The following SUGP2 variants were observed in gnomAD, a reference collection of about 807,000 sequenced individuals.
SUGP2 encodes the protein SURP and G-patch domain containing 2.
Under a neutral mutation model 90.5 loss-of-function variants are expected in SUGP2, and 24 were observed. The observed-to-expected ratio is 0.27, with a 90% confidence interval of 0.19 to 0.37. The LOEUF is 0.37. Among genes scored for constraint, SUGP2 ranks in the 10% least tolerant of loss-of-function variants. The pLI, the probability that SUGP2 is intolerant of heterozygous loss-of-function variation, is 1.00. For missense variants in SUGP2, 1,233 were observed against 1,363.3 expected, an observed-to-expected ratio of 0.90 and a Z score of 1.51; for synonymous variants, 473 against 513.4, an observed-to-expected ratio of 0.92 and a Z score of 1.06.
In SUGP2 at chr19:19,026,242, C is replaced by CAA. The variant is rs745687846; in HGVS notation, c.122-18_122-17dup. 1.3e-4 allele frequency: 154 copies of CAA among 1,173,172 alleles called. No individual in the cohort carries two copies. Among genetic ancestry groups the CAA allele is most frequent in the African/African-American group, 1.2e-3 (73 of 62,252 alleles). The allele number at this position is 1,173,172 out of a possible 1,614,324, so 72.7% of individuals were successfully genotyped here. On this transcript the variant is annotated splice_polypyrimidine_tract_variant and intron_variant, in intron 2 of 10. Transcript: ENST00000452918. ...CTTAAGAGATCTGAAATAAACCATCCAAAAAAAAAAAAGAAGAAGCCAAAA... is the reference window on the plus strand; with the variant it reads ...CTTAAGAGATCTGAAATAAACCATCCAAAAAAAAAAAAAAGAAGAAGCCAAAA...
chr19:18,995,665 C>T (rs1409765462), intron 8 of SUGP2, among the ~76,000 whole-genome samples: 2 of 152,188 alleles, frequency 1.3e-5, no homozygotes, highest in African/African-American at 4.8e-5. Context: ...GAGTGGGGGG[C>T]ACCAGGGCAC....
intron 8 of SUGP2, among the ~76,000 whole-genome samples, chr19:19,001,017 C>CTTTT (rs1163536301): frequency 7.2e-6 from 1 of 138,524 alleles, no homozygotes; most frequent in South Asian, 2.3e-4. Flanking sequence ...GCTTGAACTT[C>CTTTT]TTTTTTTTTT....
chr19:19,028,683 C>T, intron 2 of SUGP2, among the ~76,000 whole-genome samples: 1 of 152,146 alleles, frequency 6.6e-6, no homozygotes, highest in Admixed American at 6.5e-5. Context: ...TAGTCCTCTC[C>T]CACCCACGGC....
chr19:19,010,995 AG>A (rs1242897309), intron 4 of SUGP2, among the ~76,000 whole-genome samples: 1 of 151,398 alleles, frequency 6.6e-6, no homozygotes, highest in Admixed American at 6.6e-5. Flanking sequence ...AAAATTAGCC[AG>A]GGTGGTGGTG....
At chr19:18,997,208 G>A (rs112734426) in intron 8 of SUGP2, among the ~76,000 whole-genome samples, 170 of 152,212 alleles carry the variant, frequency 1.1e-3, no homozygotes, top group Non-Finnish European at 2.0e-3. Context: ...CTTCCCTAAC[G>A]TTAGGGGTGC....
chr19:19,031,467 G>A (rs576852937), intron 1 of SUGP2, among the ~76,000 whole-genome samples: 77 of 151,908 alleles, frequency 5.1e-4, no homozygotes, highest in Non-Finnish European at 3.5e-4. Context: ...CCAGGAGGCG[G>A]AGGTTGCAGT....
intron 5 of SUGP2, among the ~76,000 whole-genome samples, 176 bp from the exon 6 acceptor site, chr19:19,008,604 C>A (rs1050810497): frequency 6.6e-6 from 1 of 152,226 alleles, no homozygotes; most frequent in African/African-American, 2.4e-5. Flanking sequence ...TGTATCCCCA[C>A]CTTGAATCAG....
At chr19:19,019,273 G>A (rs753858035) in intron 3 of SUGP2, 44 bp from the exon 4 acceptor site, 1 of 1,587,314 alleles carries the variant, frequency 6.3e-7, no homozygotes, top group South Asian at 1.1e-5. Context: ...TGCTGAATGT[G>A]GGCTCTGAGA....
chr19:18,998,673 G>A (rs1279551446), intron 8 of SUGP2, among the ~76,000 whole-genome samples: 5 of 152,096 alleles, frequency 3.3e-5, no homozygotes, highest in African/African-American at 1.2e-4. Context: ...GTGAGTTACT[G>A]GATGCAGGCG....
intron 4 of SUGP2, 110 bp from the exon 5 acceptor site, chr19:19,010,452 C>T (rs1279624910): frequency 7.0e-7 from 1 of 1,426,002 alleles, no homozygotes; most frequent in Admixed American, 1.9e-5. Flanking sequence ...ACTGTCCTCT[C>T]CTGTCTCAGA....
Position 19,025,142 on chromosome 19 carries a change from A to T in SUGP2, c.1206T>A (p.Phe402Leu). The change falls in exon 3 of 11, where the codon TTT (phenylalanine) becomes TTA (leucine). Residue 402 changes from phenylalanine to leucine, a missense_variant. Physicochemically the swap from Phe to Leu is conservative, Grantham distance 22 (BLOSUM62 0). Transcript: ENST00000452918. ...ALKTPRVDNEFLNMLLDKGAV... is the reference protein window; with the variant it reads ...ALKTPRVDNELLNMLLDKGAV... ...CACCTTTGTCTAAAAGCATGTTTAA[A>T]AACTCATTATCAACTCTGGGTGTTT... 6.2e-7 allele frequency: 1 copy of T among 1,612,924 alleles called. No individual in the cohort carries two copies.
chr19:19,002,371 A>C (rs890851412), intron 7 of SUGP2, among the ~76,000 whole-genome samples: 1 of 151,162 alleles, frequency 6.6e-6, no homozygotes, highest in Non-Finnish European at 1.5e-5. Flanking sequence ...CAAGAACAAG[A>C]GTCCATCTCA....
chr19:19,028,614 G>A (rs1254982417), intron 2 of SUGP2, among the ~76,000 whole-genome samples: 1 of 152,220 alleles, frequency 6.6e-6, no homozygotes, highest in East Asian at 1.9e-4. Flanking sequence ...AAGGCTAAAC[G>A]ATAGACTGCT....
chr19:18,999,918 C>T (rs923328110), intron 8 of SUGP2, among the ~76,000 whole-genome samples: 1 of 152,190 alleles, frequency 6.6e-6, no homozygotes, highest in African/African-American at 2.4e-5. Context: ...CTGGGGTCAT[C>T]TGGACTCCTG....
In SUGP2 at chr19:19,025,609, A is replaced by G. The variant is rs778689741; in HGVS notation, c.739T>C (p.Leu247=). 1.2e-6 allele frequency: 2 copies of G among 1,613,956 alleles called. No homozygotes were observed. The highest frequency in any genetic ancestry group is 2.2e-5 in the East Asian group (1 of 44,876). The change falls in exon 3 of 11, where the codon TTG becomes CTG. Residue 247 remains leucine, a synonymous_variant. Coordinates refer to ENST00000452918, the MANE Select transcript of SUGP2 (RefSeq NM_001017392.5). ...AKGGVGKLVT[L]RNVSTKKIPT... ...ATTTTTTTTGTGCTCACATTTCTCAATGTGACAAGTTTCCCAACACCCCCC... is the reference window on the plus strand; with the variant it reads ...ATTTTTTTTGTGCTCACATTTCTCAGTGTGACAAGTTTCCCAACACCCCCC...
chr19:19,026,214 G>A lies in SUGP2; in HGVS notation c.134C>T (p.Ala45Val), dbSNP rs1232499602. 1.3e-6 allele frequency: 2 copies of A among 1,567,690 alleles called. No homozygotes were observed. The highest frequency in any genetic ancestry group is 1.2e-5 in the South Asian group (1 of 85,626). Residue 45 changes from alanine (A) to valine (V), a missense_variant, in exon 3 of 11, where the codon GCA becomes GTA. By Grantham distance (64) the Ala-to-Val change is moderately conservative (BLOSUM62 0). Transcript: ENST00000452918. Reference sequence around the variant, plus strand: ...CATCTCTGCTCTGGATCTTGGGACTGCCCTTAAGAGATCTGAAATAAACCA... The same window carrying A: ...CATCTCTGCTCTGGATCTTGGGACTACCCTTAAGAGATCTGAAATAAACCA... ...LQFKAQDLLR[A>V]VPRSRAEMYD...
intron 3 of SUGP2, 112 bp from the exon 4 acceptor site, chr19:19,019,341 A>G: frequency 8.2e-7 from 1 of 1,216,076 alleles, no homozygotes; most frequent in Non-Finnish European, 1.1e-6. Context: ...GGCATCAACA[A>G]CCGAAATCCT....
intron 6 of SUGP2, among the ~76,000 whole-genome samples, chr19:19,004,862 A>G (rs2058000267): frequency 6.6e-6 from 1 of 152,198 alleles, no homozygotes; most frequent in African/African-American, 2.4e-5. Flanking sequence ...GAATTCAAGA[A>G]GCCTAACTGC....
chr19:19,020,684 C>A (rs1007311758), intron 3 of SUGP2, among the ~76,000 whole-genome samples: 1 of 151,772 alleles, frequency 6.6e-6, no homozygotes, highest in Admixed American at 6.6e-5. Context: ...GAGATCCACC[C>A]TCCTTTACCT....
Sources: allele counts gnomAD v4.1 joint callset (sites outside exome capture counted in the v4.1 genomes callset), GRCh38; gene constraint gnomAD v4.1.1; transcripts MANE v1.5; gene names NCBI Gene and HGNC (gene_info 2026-07-23, HGNC 2026-07-21).